The following COL8A1 variants were observed in gnomAD, a reference collection of about 807,000 sequenced individuals.
The protein encoded by COL8A1 is collagen type VIII alpha 1 chain.
COL8A1 carries 21 observed loss-of-function variants against 42.7 expected under a neutral mutation model. That is an observed-to-expected ratio of 0.49 (90% CI 0.35 to 0.71). The LOEUF is 0.71. Among genes scored for constraint, COL8A1 ranks in the 30% least tolerant of loss-of-function variants. The pLI, the probability that COL8A1 is intolerant of heterozygous loss-of-function variation, is 0.01. For missense variants in COL8A1, 788 were observed against 962.4 expected (o/e 0.82, Z 2.40); for synonymous variants, 367 against 369.1 (o/e 0.99, Z 0.06).
chr3:99,653,885 T>C (rs757558064), intron 1 of COL8A1, among the ~76,000 whole-genome samples: 6 of 151,976 alleles, frequency 3.9e-5, no homozygotes, highest in Admixed American at 1.3e-4. Context: ...ATAGATGTAT[T>C]TATGAAAGGG....
At position 99,768,336 on chromosome 3, in the gene COL8A1, G is replaced by T. The variant is rs1424233184; in HGVS notation, c.-3-22344G>T. Among the ~76,000 whole-genome samples, 8 of 152,274 alleles carry T rather than the reference G, an allele frequency of 5.3e-5. No individual in the cohort carries two copies. In the East Asian group the frequency reaches 1.5e-3, roughly 29 times the overall value. On this transcript the variant is annotated intron_variant, in intron 2 of 3. Transcript: ENST00000652472. Reference sequence around the variant, plus strand: ...TGATAGCAAATAGGACTGTCAGATGGTATGGGCTATTGCACACTAAGAGCT... The same window carrying T: ...TGATAGCAAATAGGACTGTCAGATGTTATGGGCTATTGCACACTAAGAGCT...
At chr3:99,718,062 T>G (rs1940051340) in intron 1 of COL8A1, among the ~76,000 whole-genome samples, 1 of 151,934 alleles carries the variant, frequency 6.6e-6, no homozygotes, top group African/African-American at 2.4e-5. Context: ...TCCCATTCAC[T>G]CTGCAAGACC....
chr3:99,743,628 T>A (rs992397215), intron 1 of COL8A1, among the ~76,000 whole-genome samples: 4 of 152,204 alleles, frequency 2.6e-5, no homozygotes, highest in Non-Finnish European at 4.4e-5. Context: ...TTACTTAAAA[T>A]TAAGTAAAAC....
intron 2 of COL8A1, among the ~76,000 whole-genome samples, chr3:99,759,347 T>G (rs1941322031): frequency 6.6e-6 from 1 of 152,196 alleles, no homozygotes; most frequent in African/African-American, 2.4e-5. Context: ...ATGTAATTTC[T>G]CAGTTCTCTC....
At chr3:99,747,845 T>A (rs952455620) in intron 2 of COL8A1, among the ~76,000 whole-genome samples, 3 of 152,202 alleles carry the variant, frequency 2.0e-5, no homozygotes, top group Admixed American at 1.3e-4. Flanking sequence ...TAAAAAGAAA[T>A]TTTAAAACTA....
chr3:99,736,743 T>G (rs1369484377), intron 1 of COL8A1, among the ~76,000 whole-genome samples: 22 of 151,898 alleles, frequency 1.4e-4, no homozygotes, highest in African/African-American at 5.3e-4. Context: ...AGATGTCTAT[T>G]AGGTCCGCTT....
chr3:99,739,327 C>T (rs1940831606), intron 1 of COL8A1, among the ~76,000 whole-genome samples: 1 of 152,278 alleles, frequency 6.6e-6, no homozygotes, highest in Admixed American at 6.5e-5. Context: ...GGTGGATCTA[C>T]CATTGCGGGG....
At chr3:99,702,139 C>T (rs749071499) in intron 1 of COL8A1, among the ~76,000 whole-genome samples, 5 of 152,150 alleles carry the variant, frequency 3.3e-5, no homozygotes, top group African/African-American at 7.2e-5. Context: ...TTCTGAATTT[C>T]GGGCTAAGCA....
chr3:99,669,146 T>TATATATATATAGAGAGAGAGAGAG, intron 1 of COL8A1, among the ~76,000 whole-genome samples: 2 of 115,364 alleles, frequency 1.7e-5, no homozygotes, highest in Admixed American at 9.5e-5. Flanking sequence ...TATATATATA[T>TATATATATATAGAGAGAGAGAGAG]AGAGGGAGAG....
chr3:99,677,311 C>T (rs1938729080), intron 1 of COL8A1, among the ~76,000 whole-genome samples: 1 of 151,974 alleles, frequency 6.6e-6, no homozygotes, highest in African/African-American at 2.4e-5. Flanking sequence ...AATCCAGTGT[C>T]CAAATCTTTC....
intron 2 of COL8A1, among the ~76,000 whole-genome samples, chr3:99,783,793 T>G (rs955923461): frequency 1.3e-5 from 2 of 152,216 alleles, no homozygotes; most frequent in African/African-American, 2.4e-5. Flanking sequence ...TCAGATCTCA[T>G]GAGAACTCAC....
rs144271925 is a variant in COL8A1 at position 99,696,250 on chromosome 3, T to C, written c.-128-48647T>C. Among the ~76,000 whole-genome samples the C allele has an allele frequency of 4.5e-3, 684 of 152,352 alleles. 12 individuals carry two copies. Among genetic ancestry groups the C allele is most frequent in the Admixed American group, 7.6e-3 (117 of 15,304 alleles). ...TTGTTTATCCTGACATCTGATAGAC[T>C]AAACAGAAAGAGTGAAGATATCAAA... On this transcript the variant is annotated intron_variant, in intron 1 of 3. Transcript: ENST00000652472.
intron 1 of COL8A1, among the ~76,000 whole-genome samples, chr3:99,710,416 T>C (rs989578307): frequency 6.6e-6 from 1 of 152,128 alleles, no homozygotes; most frequent in Non-Finnish European, 1.5e-5. Context: ...AGAAAAATAA[T>C]AAAGTTATGT....
chr3:99,726,892 C>A (rs1049604580), intron 1 of COL8A1, among the ~76,000 whole-genome samples: 1 of 152,064 alleles, frequency 6.6e-6, no homozygotes, highest in African/African-American at 2.4e-5. Flanking sequence ...CTTGGCGATG[C>A]GGGCTCTTTT....
At chr3:99,675,109 T>C (rs1001487480) in intron 1 of COL8A1, among the ~76,000 whole-genome samples, 1 of 152,030 alleles carries the variant, frequency 6.6e-6, no homozygotes, top group Non-Finnish European at 1.5e-5. Context: ...ATTTCATCCA[T>C]AATCTGAGAA....
chr3:99,724,610 C>T lies in COL8A1; in HGVS notation c.-128-20287C>T, dbSNP rs187448023. ...TTCTTTCCCACCAATTCCCACACAA[C>T]CCCTTCCAACCTTCCTTTACATCAG... On this transcript the variant is annotated intron_variant, in intron 1 of 3. Transcript: ENST00000652472. Among the ~76,000 whole-genome samples, 29 of 152,230 alleles carry T rather than the reference C, an allele frequency of 1.9e-4. No homozygotes were observed. In the East Asian group the frequency reaches 4.4e-3, roughly 23 times the overall value.
chr3:99,731,468 C>T (rs1010697900), intron 1 of COL8A1, among the ~76,000 whole-genome samples: 5 of 151,982 alleles, frequency 3.3e-5, no homozygotes, highest in Admixed American at 1.3e-4. Flanking sequence ...TGGAAAGAAG[C>T]CAGAGTGGGA....
intron 2 of COL8A1, among the ~76,000 whole-genome samples, chr3:99,775,476 G>A (rs1941677255): frequency 1.3e-5 from 2 of 152,200 alleles, no homozygotes; most frequent in South Asian, 4.1e-4. Flanking sequence ...TTTCCGTGGA[G>A]CTTTGGTGGA....
At chr3:99,793,071 G>A (rs576010448) in intron 3 of COL8A1, among the ~76,000 whole-genome samples, 7 of 152,100 alleles carry the variant, frequency 4.6e-5, no homozygotes, top group Admixed American at 2.6e-4. Flanking sequence ...TAAAACAATC[G>A]AACTCATAGA....
Sources: gnomAD v4.1 joint callset for allele counts (sites outside exome capture counted in the v4.1 genomes callset) on GRCh38, gnomAD v4.1.1 for gene constraint, MANE v1.5 for transcripts, NCBI Gene and HGNC (gene_info 2026-07-23, HGNC 2026-07-21) for gene names.